MEIKIN: variants seen among roughly 807,000 people sequenced by gnomAD.
MEIKIN encodes meiosis-specific kinetochore protein.
intron 8 of MEIKIN, among the ~76,000 whole-genome samples, chr5:131,896,807 C>A (rs1485347273): frequency 2.0e-5 from 3 of 152,184 alleles, no homozygotes; most frequent in South Asian, 4.1e-4. Context: ...CTGAATACAG[C>A]ACACTGATGG....
chr5:131,871,888 G>C (rs1750509322), intron 9 of MEIKIN, among the ~76,000 whole-genome samples: 1 of 152,194 alleles, frequency 6.6e-6, no homozygotes, highest in Middle Eastern at 3.4e-3. Flanking sequence ...AGGCAAACAG[G>C]GTCTGGAGTG....
At chr5:131,863,557 C>T (rs1300002264) in intron 9 of MEIKIN, among the ~76,000 whole-genome samples, 69 of 68,430 alleles carry the variant, frequency 1.0e-3, no homozygotes, top group African/African-American at 5.0e-3. Context: ...CTTCTTTGTC[C>T]TTTTTTTTTT....
intron 9 of MEIKIN, among the ~76,000 whole-genome samples, chr5:131,869,809 C>G (rs1750453932): frequency 6.6e-6 from 1 of 152,192 alleles, no homozygotes; most frequent in Non-Finnish European, 1.5e-5. Context: ...TTTTCCTACC[C>G]TGGCAATGGT....
At chr5:131,861,431 T>A (rs1382986478) in intron 9 of MEIKIN, among the ~76,000 whole-genome samples, 1 of 152,158 alleles carries the variant, frequency 6.6e-6, no homozygotes, top group African/African-American at 2.4e-5. Context: ...GAGGGTCAAT[T>A]TGAGTTCCTC....
chr5:131,929,938 G>C (rs1751658718), intron 5 of MEIKIN, among the ~76,000 whole-genome samples: 2 of 152,178 alleles, frequency 1.3e-5, no homozygotes, highest in African/African-American at 4.8e-5. Flanking sequence ...ACCACTGATG[G>C]GCATTTAGGT....
At chr5:131,923,034 G>A (rs1418743482) in intron 5 of MEIKIN, among the ~76,000 whole-genome samples, 4 of 152,130 alleles carry the variant, frequency 2.6e-5, no homozygotes, top group Non-Finnish European at 5.9e-5. Flanking sequence ...TGGGATTACA[G>A]GCATCCACCA....
At chr5:131,867,247 T>G (rs1750399529) in intron 9 of MEIKIN, among the ~76,000 whole-genome samples, 1 of 152,196 alleles carries the variant, frequency 6.6e-6, no homozygotes, top group Admixed American at 6.5e-5. Context: ...CACAGCAAAC[T>G]TGAGCAGAAA....
chr5:131,874,751 A>G (rs975333219), intron 9 of MEIKIN, among the ~76,000 whole-genome samples: 2 of 152,240 alleles, frequency 1.3e-5, no homozygotes, highest in Non-Finnish European at 2.9e-5. Context: ...CCTCAATAAA[A>G]TACTGGCAAA....
At chr5:131,898,926 G>A (rs1011290004) in intron 8 of MEIKIN, among the ~76,000 whole-genome samples, 2 of 152,124 alleles carry the variant, frequency 1.3e-5, no homozygotes, top group African/African-American at 4.8e-5. Context: ...CCTTCCACGG[G>A]CTGTACCCAC....
intron 8 of MEIKIN, among the ~76,000 whole-genome samples, chr5:131,909,215 C>A (rs1315724876): frequency 6.6e-6 from 1 of 152,094 alleles, no homozygotes; most frequent in African/African-American, 2.4e-5. Context: ...GCATAAAAAA[C>A]AGACACATAG....
At chr5:131,903,398 A>G (rs1004926668) in intron 8 of MEIKIN, among the ~76,000 whole-genome samples, 1 of 152,210 alleles carries the variant, frequency 6.6e-6, no homozygotes. Flanking sequence ...AGTCAGCTAG[A>G]GTGAAGGGGC....
chr5:131,853,689 T>C (rs576930299), intron 10 of MEIKIN, among the ~76,000 whole-genome samples: 1 of 152,228 alleles, frequency 6.6e-6, no homozygotes, highest in Admixed American at 6.5e-5. Context: ...AACAAAGGAC[T>C]TGAATAGATA....
chr5:131,845,763 T>C (rs532878849), intron 11 of MEIKIN, among the ~76,000 whole-genome samples: 5 of 151,656 alleles, frequency 3.3e-5, no homozygotes, highest in African/African-American at 1.2e-4. Flanking sequence ...ATTTAAAAAT[T>C]GAAGAAAAAT....
intron 5 of MEIKIN, among the ~76,000 whole-genome samples, chr5:131,923,886 G>A (rs909388789): frequency 6.6e-6 from 1 of 152,012 alleles, no homozygotes. Flanking sequence ...GTACAATCCA[G>A]TGTTGTTAAC....
intron 8 of MEIKIN, among the ~76,000 whole-genome samples, chr5:131,908,323 A>G (rs1751278213): frequency 6.6e-6 from 1 of 152,170 alleles, no homozygotes; most frequent in Non-Finnish European, 1.5e-5. Context: ...AGAATAAAGG[A>G]AAAAAACCAT....
At chr5:131,822,089 C>CT (rs1269943677) in intron 11 of MEIKIN, among the ~76,000 whole-genome samples, 3 of 152,144 alleles carry the variant, frequency 2.0e-5, no homozygotes, top group Admixed American at 1.3e-4. Flanking sequence ...TCTGTTTTGT[C>CT]TAAGTACAGC....
At position 131,843,153 on chromosome 5, in the gene MEIKIN, C is replaced by T. The variant is rs1049357953; in HGVS notation, c.975+8111G>A. ...TGTAGGGCGCCATGTCCCAAGGCTG[C>T]ACAGAGCAGCAAGGCCCTGGGCCTG... is the stretch of plus-strand genomic sequence containing the variant. On this transcript the variant is annotated intron_variant, in intron 11 of 12. Coordinates refer to ENST00000442687, the MANE Select transcript of MEIKIN (RefSeq NM_001303622.2). Among the ~76,000 whole-genome samples the T allele has an allele frequency of 2.0e-5, 3 of 152,374 alleles. No individual in the cohort carries two copies. The East Asian group carries it at 5.8e-4, about 29-fold the overall frequency.
intron 8 of MEIKIN, among the ~76,000 whole-genome samples, chr5:131,894,673 A>C (rs1219541549): frequency 6.6e-6 from 1 of 152,082 alleles, no homozygotes; most frequent in Non-Finnish European, 1.5e-5. Context: ...TGTGAATGGG[A>C]GTTCACTCAT....
rs146449923 is a variant in MEIKIN at position 131,907,584 on chromosome 5, A to G, written c.703+4231T>C. ...GTATGACTGAACCATGAAGCAACCC[A>G]AAACCTTGAGCCGGGCAGGTGGCTC... On this transcript the variant is annotated intron_variant, in intron 8 of 12. Coordinates refer to ENST00000442687, the MANE Select transcript of MEIKIN (RefSeq NM_001303622.2). 4.6e-3 allele frequency among the ~76,000 whole-genome samples: 700 copies of G among 150,930 alleles called. 8 individuals carry two copies. The highest frequency in any genetic ancestry group is 0.016 in the African/African-American group (666 of 41,054).
Sources: allele counts gnomAD v4.1 joint callset (sites outside exome capture counted in the v4.1 genomes callset), GRCh38; gene constraint gnomAD v4.1.1; transcripts MANE v1.5; gene names NCBI Gene and HGNC (gene_info 2026-07-23, HGNC 2026-07-21).